Variants in INO80D observed in about 807,000 individuals in gnomAD.
The protein encoded by INO80D is INO80 complex subunit D.
A neutral mutation model predicts 87.6 loss-of-function variants in INO80D; 21 were observed. The ratio of observed to expected loss-of-function variants is 0.24; its 90% CI spans 0.17 to 0.35. INO80D has a LOEUF of 0.35. Ranked by LOEUF, INO80D falls within the 10% of genes least tolerant of loss-of-function variation. The pLI is 1.00. For synonymous variants in INO80D, 440 were observed against 491.0 expected, an observed-to-expected ratio of 0.90 and a Z score of 1.37; for missense variants, 982 against 1,280.7, an observed-to-expected ratio of 0.77 and a Z score of 3.56.
intron 5 of INO80D, among the ~76,000 whole-genome samples, chr2:206,037,690 T>C (rs914380253): frequency 4.6e-5 from 7 of 152,134 alleles, no homozygotes; most frequent in South Asian, 2.1e-4. Flanking sequence ...AATAGAACTA[T>C]AGAACTTCCA....
At chr2:206,079,760 A>G (rs1690223089) in intron 1 of INO80D, among the ~76,000 whole-genome samples, 1 of 152,182 alleles carries the variant, frequency 6.6e-6, no homozygotes, top group Admixed American at 6.5e-5. Flanking sequence ...CGTAAAAGAA[A>G]TCCAAACTCC....
At position 206,062,879 on chromosome 2, in the gene INO80D, G is replaced by C. The variant is rs766843612; in HGVS notation, c.138C>G (p.Ala46=). Residue 46 remains alanine, a synonymous_variant, in exon 3 of 11, where the codon GCC becomes GCG. Transcript: ENST00000403263. The surrounding 1 kb of genome is among the most constrained non-coding windows in gnomAD (Gnocchi z 4.6). ...CIRHVLEDKT[A]PFKQCEYVAK... ...CCACATATTCACATTGCTTGAAGGG[G>C]GCAGTCTTGTCCTCCAGAACGTGTC... The C allele has an allele frequency of 1.2e-6, 2 of 1,613,118 alleles. No individual in the cohort carries two copies. Among genetic ancestry groups the C allele is most frequent in the South Asian group, 1.1e-5 (1 of 90,988 alleles).
chr2:206,036,047 C>T (rs536867015), intron 5 of INO80D, among the ~76,000 whole-genome samples: 10 of 152,270 alleles, frequency 6.6e-5, no homozygotes, highest in South Asian at 4.1e-4. Context: ...GCAATACCAT[C>T]TTACTCCTGC....
At chr2:206,075,564 G>A (rs1690091470) in intron 1 of INO80D, among the ~76,000 whole-genome samples, 1 of 151,498 alleles carries the variant, frequency 6.6e-6, no homozygotes, top group Non-Finnish European at 1.5e-5. Flanking sequence ...AGCTTCCCAA[G>A]TGGCTGGATT....
chr2:206,031,711 G>A (rs9630997), intron 5 of INO80D, among the ~76,000 whole-genome samples: 2,995 of 152,280 alleles, frequency 0.02, 95 homozygotes, highest in African/African-American at 0.067. Flanking sequence ...GCTCCAACTC[G>A]GACAGACAGA....
At chr2:206,040,018 C>A (rs937221674) in intron 5 of INO80D, among the ~76,000 whole-genome samples, 3 of 151,526 alleles carry the variant, frequency 2.0e-5, no homozygotes, top group African/African-American at 4.8e-5. Context: ...CAGGCCCAGG[C>A]GCGGTGACTC....
intron 6 of INO80D, among the ~76,000 whole-genome samples, chr2:206,022,775 G>A (rs1351576039): frequency 6.6e-6 from 1 of 152,152 alleles, no homozygotes; most frequent in Non-Finnish European, 1.5e-5. Flanking sequence ...GTGCAATGGT[G>A]CAATCTCAGC....
intron 7 of INO80D, 75 bp downstream of exon 7, chr2:206,019,661 A>C: frequency 1.0e-6 from 1 of 997,802 alleles, no homozygotes; most frequent in Non-Finnish European, 1.5e-6. Flanking sequence ...CATTCACTTG[A>C]ATTAAAAATG....
chr2:206,018,388 TA>T (rs1688374219), intron 7 of INO80D, among the ~76,000 whole-genome samples: 1 of 152,136 alleles, frequency 6.6e-6, no homozygotes, highest in Non-Finnish European at 1.5e-5. Context: ...TCAAGTGATC[TA>T]GCCGCCTCAG....
chr2:206,009,135 C>G (rs529209743), intron 9 of INO80D, among the ~76,000 whole-genome samples: 2 of 152,114 alleles, frequency 1.3e-5, no homozygotes, highest in Non-Finnish European at 2.9e-5. Flanking sequence ...CATGGTGAAA[C>G]CCCGTCTCTA....
At chr2:206,084,275 C>CCT (rs1296801387) in intron 1 of INO80D, among the ~76,000 whole-genome samples, 5 of 145,134 alleles carry the variant, frequency 3.4e-5, no homozygotes, top group Non-Finnish European at 7.6e-5. Flanking sequence ...ACACACACAC[C>CCT]CCAAAACCAA....
intron 6 of INO80D, among the ~76,000 whole-genome samples, chr2:206,023,680 TAA>T (rs55665575): frequency 2.2e-4 from 22 of 101,500 alleles, no homozygotes; most frequent in African/African-American, 3.3e-4. Flanking sequence ...GAGACTCATC[TAA>T]AAAAAAAAAA....
At chr2:206,010,081 A>ACG (rs1688130510) in intron 8 of INO80D, among the ~76,000 whole-genome samples, 1 of 148,698 alleles carries the variant, frequency 6.7e-6, no homozygotes, top group Non-Finnish European at 1.5e-5. Context: ...ACACACACAC[A>ACG]CACACGCACA....
At chr2:206,006,940 G>A (rs759311100) in intron 10 of INO80D, among the ~76,000 whole-genome samples, 17 of 152,152 alleles carry the variant, frequency 1.1e-4, no homozygotes, top group South Asian at 2.1e-4. Context: ...CCAGCTACTC[G>A]GGAGGCCGAG....
chr2:206,067,947 A>C (rs1375941237), intron 1 of INO80D, among the ~76,000 whole-genome samples: 1 of 152,216 alleles, frequency 6.6e-6, no homozygotes, highest in Admixed American at 6.5e-5. Context: ...TGTTTCAAAA[A>C]AAAAATGCAA....
intron 9 of INO80D, 73 bp downstream of exon 9, chr2:206,009,504 C>T: frequency 2.4e-6 from 3 of 1,269,120 alleles, no homozygotes; most frequent in East Asian, 4.7e-5. Context: ...TTTACAATAA[C>T]CACATGAAGC....
chr2:206,047,894 A>C (rs1689241523), intron 4 of INO80D, among the ~76,000 whole-genome samples: 1 of 141,472 alleles, frequency 7.1e-6, no homozygotes, highest in Non-Finnish European at 1.5e-5. Context: ...TCTGTCGCCC[A>C]GGCTGGAGTG....
intron 3 of INO80D, among the ~76,000 whole-genome samples, chr2:206,061,093 A>T (rs1689678329): frequency 6.6e-6 from 1 of 151,972 alleles, no homozygotes; most frequent in African/African-American, 2.4e-5. Context: ...TGTTCACTGC[A>T]GCCTCGGCCT....
intron 5 of INO80D, among the ~76,000 whole-genome samples, chr2:206,035,041 C>T (rs187472995): frequency 9.0e-4 from 136 of 151,826 alleles, no homozygotes; most frequent in Middle Eastern, 3.4e-3. Flanking sequence ...ACAAAGGAGG[C>T]GAAAGACCTC....
Sources: gnomAD v4.1 joint callset for allele counts (sites outside exome capture counted in the v4.1 genomes callset) on GRCh38, gnomAD v4.1.1 for gene constraint, Gnocchi (gnomAD v3.1) non-coding constraint, MANE v1.5 for transcripts, NCBI Gene and HGNC (gene_info 2026-07-23, HGNC 2026-07-21) for gene names.